Variants in HS3ST5 observed in about 807,000 individuals in gnomAD.
The protein encoded by HS3ST5 is heparan sulfate-glucosamine 3-sulfotransferase 5.
In HS3ST5, 10 loss-of-function variants were observed where a neutral mutation model predicts 25.4. That is an observed-to-expected ratio of 0.39 (90% confidence interval 0.24 to 0.67). The LOEUF (loss-of-function observed/expected upper bound fraction) is 0.67, where lower values mean the gene tolerates loss of function less well. Ranked by LOEUF, HS3ST5 falls within the 30% of genes least tolerant of loss-of-function variation. The pLI is 0.44. For synonymous variants in HS3ST5, 170 were observed against 162.4 expected (o/e 1.05, Z -0.36); for missense variants, 324 against 420.7 (o/e 0.77, Z 2.01).
At chr6:114,324,861 T>C (rs1054152963) in intron 1 of HS3ST5, among the ~76,000 whole-genome samples, 8 of 152,178 alleles carry the variant, frequency 5.3e-5, no homozygotes, top group Admixed American at 5.2e-4. Flanking sequence ...GTGATTCCAA[T>C]TGCGGATAAC....
chr6:114,342,038 C>G (rs1413903732), intron 1 of HS3ST5, among the ~76,000 whole-genome samples, 157 bp downstream of exon 1: 1 of 152,218 alleles, frequency 6.6e-6, no homozygotes, highest in East Asian at 1.9e-4. Context: ...AAAGTCTTCC[C>G]CAGGCAGCGC....
intron 3 of HS3ST5, among the ~76,000 whole-genome samples, chr6:114,153,299 A>G (rs1344230337): frequency 6.6e-6 from 1 of 152,188 alleles, no homozygotes; most frequent in Non-Finnish European, 1.5e-5. Context: ...GCTCCAGGAT[A>G]GCTAATTGAA....
At chr6:114,228,920 T>G (rs1261168788) in intron 1 of HS3ST5, 142 bp from the exon 2 acceptor site, 2 of 152,236 alleles carry the variant, frequency 1.3e-5, no homozygotes, top group Non-Finnish European at 2.9e-5. Context: ...TCATTTAAAA[T>G]TTCATGTCAT....
intron 3 of HS3ST5, among the ~76,000 whole-genome samples, chr6:114,086,856 T>C (rs955124099): frequency 3.3e-5 from 5 of 152,190 alleles, no homozygotes. Context: ...GAGAAGATAA[T>C]GCAATTGAGT....
At chr6:114,277,406 T>C (rs1773907440) in intron 1 of HS3ST5, among the ~76,000 whole-genome samples, 1 of 148,078 alleles carries the variant, frequency 6.8e-6, no homozygotes, top group Non-Finnish European at 1.5e-5. Context: ...GGTGCAAAAG[T>C]AATTGCGGTT....
intron 1 of HS3ST5, among the ~76,000 whole-genome samples, chr6:114,288,255 T>G (rs1774423326): frequency 6.6e-6 from 1 of 152,068 alleles, no homozygotes; most frequent in Admixed American, 6.6e-5. Flanking sequence ...AATACACTCT[T>G]TAGGAGAGAT....
chr6:114,253,562 GAA>G (rs1772763868), intron 1 of HS3ST5, among the ~76,000 whole-genome samples: 1 of 152,150 alleles, frequency 6.6e-6, no homozygotes, highest in African/African-American at 2.4e-5. Flanking sequence ...CTGGGAAAAA[GAA>G]AGAGAATGAC....
intron 1 of HS3ST5, among the ~76,000 whole-genome samples, chr6:114,297,651 T>C (rs554557771): frequency 1.3e-5 from 2 of 152,330 alleles, no homozygotes; most frequent in Non-Finnish European, 1.5e-5. Context: ...GTGCTTTCTA[T>C]GGACAAAGTA....
At chr6:114,188,044 A>G (rs76734136) in intron 2 of HS3ST5, among the ~76,000 whole-genome samples, 1,658 of 152,312 alleles carry the variant, frequency 0.011, 16 homozygotes, top group South Asian at 0.022. Context: ...CTTAACTTTT[A>G]TATGTACTGG....
chr6:114,238,720 C>T (rs1489622229), intron 1 of HS3ST5, among the ~76,000 whole-genome samples: 4 of 152,054 alleles, frequency 2.6e-5, no homozygotes, highest in East Asian at 3.9e-4. Context: ...ACTCATTTTG[C>T]GAGATGGATA....
At chr6:114,155,092 G>A (rs780166234) in intron 3 of HS3ST5, among the ~76,000 whole-genome samples, 17 of 152,272 alleles carry the variant, frequency 1.1e-4, no homozygotes, top group East Asian at 3.9e-4. Context: ...TGCTTGAGAC[G>A]TATTTGTTGA....
intron 3 of HS3ST5, among the ~76,000 whole-genome samples, chr6:114,076,619 G>A (rs938957661): frequency 6.6e-6 from 1 of 152,134 alleles, no homozygotes; most frequent in African/African-American, 2.4e-5. Context: ...TGTTGTCAGG[G>A]AGCCCATAGA....
intron 1 of HS3ST5, among the ~76,000 whole-genome samples, chr6:114,338,772 A>G (rs1776710866): frequency 2.0e-5 from 3 of 152,108 alleles, no homozygotes; most frequent in Non-Finnish European, 4.4e-5. Flanking sequence ...ATTTGTCAAC[A>G]ATTAAATTAG....
At chr6:114,130,443 T>C (rs1302365276) in intron 3 of HS3ST5, among the ~76,000 whole-genome samples, 1 of 152,212 alleles carries the variant, frequency 6.6e-6, no homozygotes, top group Non-Finnish European at 1.5e-5. Context: ...TGCTAGTTTA[T>C]AGAAAAATCT....
At chr6:114,224,901 A>G (rs1041769808) in intron 2 of HS3ST5, among the ~76,000 whole-genome samples, 7 of 151,602 alleles carry the variant, frequency 4.6e-5, no homozygotes, top group African/African-American at 1.7e-4. Flanking sequence ...TTCTATAGTC[A>G]CTTATTGGCT....
intron 2 of HS3ST5, among the ~76,000 whole-genome samples, chr6:114,173,049 TG>T (rs1277375556): frequency 6.6e-6 from 1 of 152,256 alleles, no homozygotes; most frequent in Non-Finnish European, 1.5e-5. Flanking sequence ...TGCTTTGGAA[TG>T]TTAAACAGGT....
At chr6:114,075,905 C>G (rs576378226) in intron 3 of HS3ST5, among the ~76,000 whole-genome samples, 2 of 152,248 alleles carry the variant, frequency 1.3e-5, no homozygotes, top group African/African-American at 4.8e-5. Context: ...AAAATGGTGT[C>G]TGCCTTCAAG....
At chr6:114,167,942 G>A (rs1226196264) in intron 3 of HS3ST5, among the ~76,000 whole-genome samples, 1 of 152,138 alleles carries the variant, frequency 6.6e-6, no homozygotes, top group Non-Finnish European at 1.5e-5. Flanking sequence ...CTATCAAAGA[G>A]TAGTTGGGAA....
intron 1 of HS3ST5, among the ~76,000 whole-genome samples, chr6:114,266,734 T>C (rs1773419515): frequency 6.6e-6 from 1 of 152,216 alleles, no homozygotes; most frequent in Non-Finnish European, 1.5e-5. Context: ...GCAAATAATA[T>C]GTTTGCTCTA....
Sources: allele counts gnomAD v4.1 joint callset (sites outside exome capture counted in the v4.1 genomes callset), GRCh38; gene constraint gnomAD v4.1.1; transcripts MANE v1.5; gene names NCBI Gene and HGNC (gene_info 2026-07-23, HGNC 2026-07-21).